Variants in IGSF21 observed in about 807,000 individuals in gnomAD.
IGSF21 encodes the protein immunoglobin superfamily member 21.
IGSF21 carries 28 observed loss-of-function variants against 46.8 expected under a neutral mutation model. The ratio of observed to expected loss-of-function variants is 0.60; its 90% CI spans 0.44 to 0.82. The LOEUF (loss-of-function observed/expected upper bound fraction) is 0.82, where lower values mean the gene tolerates loss of function less well. Among genes scored for constraint, IGSF21 ranks in the 40% least tolerant of loss-of-function variants. IGSF21 has a pLI of 0.00. For missense variants in IGSF21, 624 were observed against 665.5 expected (o/e 0.94, Z 0.69); for synonymous variants, 284 against 273.6 (o/e 1.04, Z -0.38).
intron 1 of IGSF21, among the ~76,000 whole-genome samples, chr1:18,147,092 C>T (rs559253966): frequency 4.5e-4 from 68 of 152,328 alleles, no homozygotes; most frequent in African/African-American, 1.5e-3. Flanking sequence ...CAGGCCACCA[C>T]GTGTCCACGC....
chr1:18,189,851 G>A (rs377020444), intron 1 of IGSF21, among the ~76,000 whole-genome samples: 14 of 152,244 alleles, frequency 9.2e-5, no homozygotes, highest in East Asian at 3.9e-4. Flanking sequence ...GGCTGGTACC[G>A]GATTTGAACT....
At chr1:18,164,406 C>T (rs965497775) in intron 1 of IGSF21, among the ~76,000 whole-genome samples, 1 of 151,976 alleles carries the variant, frequency 6.6e-6, no homozygotes, top group African/African-American at 2.4e-5. Flanking sequence ...TCTTTCCCTC[C>T]CTCCATCCAT....
intron 1 of IGSF21, among the ~76,000 whole-genome samples, chr1:18,138,236 C>G (rs756270060): frequency 6.6e-6 from 1 of 152,174 alleles, no homozygotes; most frequent in African/African-American, 2.4e-5. Context: ...CTTATCTCAT[C>G]GAGGAAATAT....
intron 2 of IGSF21, among the ~76,000 whole-genome samples, chr1:18,270,422 A>G (rs754455018): frequency 2.6e-5 from 4 of 152,216 alleles, no homozygotes; most frequent in Admixed American, 2.0e-4. Context: ...GGTTCTGCCA[A>G]CACTCGGCAT....
At chr1:18,197,249 C>A (rs1436427180) in intron 1 of IGSF21, among the ~76,000 whole-genome samples, 1 of 152,174 alleles carries the variant, frequency 6.6e-6, no homozygotes, top group Non-Finnish European at 1.5e-5. Flanking sequence ...GCCTGGAGAG[C>A]AGAGAAGCCT....
In IGSF21 at chr1:18,262,938, G is replaced by T. The variant is rs551547794; in HGVS notation, c.184-28928G>T. Among the ~76,000 whole-genome samples the T allele has an allele frequency of 7.2e-5, 11 of 152,324 alleles. No homozygotes were observed. The South Asian group carries it at 2.1e-3, about 29-fold the overall frequency. ...GCCGTGGGAATGGAATGCATTGGCC[G>T]CTTCCCCTTCCCCACCCCGGGGTAG... On this transcript the variant is annotated intron_variant, in intron 2 of 9. Coordinates refer to ENST00000251296, the MANE Select transcript of IGSF21 (RefSeq NM_032880.5).
intron 1 of IGSF21, among the ~76,000 whole-genome samples, chr1:18,200,115 T>G (rs1028061947): frequency 6.6e-6 from 1 of 152,188 alleles, no homozygotes; most frequent in African/African-American, 2.4e-5. Context: ...TTGCCTTAGT[T>G]CTTGGTTCAC....
In IGSF21 at chr1:18,365,050, C is replaced by G. The variant is rs998797946; in HGVS notation, c.541-173C>G. Among the ~76,000 whole-genome samples the G allele has an allele frequency of 2.0e-5, 3 of 152,180 alleles. No homozygotes were observed. Among genetic ancestry groups the G allele is most frequent in the African/African-American group, 7.2e-5 (3 of 41,436 alleles). Reference sequence around the variant, plus strand: ...CTGCATGTGTTCCCATTGTACCACACTGGCTCATAGTTCTTGGGGGTGTTG... The same window carrying G: ...CTGCATGTGTTCCCATTGTACCACAGTGGCTCATAGTTCTTGGGGGTGTTG... On this transcript the variant is annotated intron_variant, in intron 5 of 9. Coordinates refer to ENST00000251296, the MANE Select transcript of IGSF21 (RefSeq NM_032880.5). This position sits in a 1 kb window ranked among gnomAD's most constrained non-coding sequence, Gnocchi z 4.8.
At chr1:18,145,733 G>A (rs777721131) in intron 1 of IGSF21, among the ~76,000 whole-genome samples, 2 of 152,218 alleles carry the variant, frequency 1.3e-5, no homozygotes, top group Non-Finnish European at 2.9e-5. Flanking sequence ...GGCGGCAAAT[G>A]TGGCAGGTTC....
At chr1:18,184,521 G>A (rs752030790) in intron 1 of IGSF21, among the ~76,000 whole-genome samples, 2 of 152,122 alleles carry the variant, frequency 1.3e-5, no homozygotes, top group Non-Finnish European at 2.9e-5. Flanking sequence ...CGCTTGTCTG[G>A]ACTCCCACCG....
At chr1:18,364,125 C>T (rs989832074) in intron 5 of IGSF21, among the ~76,000 whole-genome samples, 3 of 152,072 alleles carry the variant, frequency 2.0e-5, no homozygotes, top group Admixed American at 1.3e-4. Flanking sequence ...ATTTGCGACA[C>T]GGCAATAAAA....
intron 4 of IGSF21, among the ~76,000 whole-genome samples, chr1:18,357,664 A>G (rs1487649102): frequency 1.3e-5 from 2 of 152,134 alleles, no homozygotes; most frequent in Non-Finnish European, 2.9e-5. Flanking sequence ...GAAAAATAGA[A>G]AAGAAGAGGG....
chr1:18,367,861 T>A (rs1168388845), intron 6 of IGSF21, among the ~76,000 whole-genome samples: 1 of 151,666 alleles, frequency 6.6e-6, no homozygotes, highest in East Asian at 1.9e-4. Flanking sequence ...TGCCTCGGCC[T>A]CCAAAGTGCT....
At chr1:18,182,168 G>T (rs1232349006) in intron 1 of IGSF21, among the ~76,000 whole-genome samples, 1 of 143,518 alleles carries the variant, frequency 7.0e-6, no homozygotes, top group Non-Finnish European at 1.5e-5. Context: ...ACTTCTGAAA[G>T]GTGTCTTTTT....
chr1:18,277,615 G>A (rs1243981691), intron 2 of IGSF21, among the ~76,000 whole-genome samples: 1 of 152,162 alleles, frequency 6.6e-6, no homozygotes, highest in Admixed American at 6.5e-5. Flanking sequence ...GAGCCCAACT[G>A]GAAACTGTCC....
Position 18,310,440 on chromosome 1 carries a change from C to T in IGSF21, c.305+18453C>T, listed in dbSNP as rs1410240356. On this transcript the variant is annotated intron_variant, in intron 3 of 9. Transcript: ENST00000251296. ...CTCGTAGCAGTGGCTTGTTCTTTTT[C>T]ATTACTACGTAGTACTCCACTGCGT... Among the ~76,000 whole-genome samples the T allele has an allele frequency of 1.1e-4, 17 of 152,314 alleles. No homozygotes were observed. The East Asian group carries it at 2.5e-3, about 22-fold the overall frequency.
rs545829476 is a variant in IGSF21, at chr1:18,218,333, C to T, written c.71-9565C>T. The stretch of plus-strand genomic sequence containing the variant: ...GAAAAGTCTGCCTCCATTGCCCAGT[C>T]ACCTCCCACCAGGTCCGTCTTCCAA... On this transcript the variant is annotated intron_variant, in intron 1 of 9. Transcript: ENST00000251296. 1.1e-4 allele frequency among the ~76,000 whole-genome samples: 16 copies of T among 152,316 alleles called. No homozygotes were observed. In the South Asian group the frequency reaches 3.3e-3, roughly 32 times the overall value.
intron 3 of IGSF21, among the ~76,000 whole-genome samples, chr1:18,313,415 T>G (rs2085508615): frequency 6.6e-6 from 1 of 152,236 alleles, no homozygotes; most frequent in Non-Finnish European, 1.5e-5. Flanking sequence ...TGTGGAATCC[T>G]AGGCAAGTCA....
At chr1:18,359,438 GGAAA>G (rs2086073347) in intron 4 of IGSF21, among the ~76,000 whole-genome samples, 12 of 129,692 alleles carry the variant, frequency 9.3e-5, no homozygotes, top group African/African-American at 2.6e-4. Flanking sequence ...AAGGAAGGAA[GGAAA>G]AGAGAAAGAA....
Sources: allele counts gnomAD v4.1 joint callset (sites outside exome capture counted in the v4.1 genomes callset), GRCh38; gene constraint gnomAD v4.1.1; non-coding constraint Gnocchi (gnomAD v3.1); transcripts MANE v1.5; gene names NCBI Gene and HGNC (gene_info 2026-07-23, HGNC 2026-07-21).